L3MBTL4: variants seen among roughly 807,000 people sequenced by gnomAD.
The protein encoded by L3MBTL4 is lethal(3)malignant brain tumor-like protein 4.
L3MBTL4 carries 70 observed loss-of-function variants against 84.5 expected under a neutral mutation model. That is an observed-to-expected ratio of 0.83 (90% CI 0.68 to 1.01). L3MBTL4 has a LOEUF of 1.01. Ranked by LOEUF, L3MBTL4 falls within the 50% of genes least tolerant of loss-of-function variation. L3MBTL4 has a pLI of 0.00. For synonymous variants in L3MBTL4, 274 were observed against 259.8 expected (o/e 1.05, Z -0.52); for missense variants, 715 against 754.8 (o/e 0.95, Z 0.62).
intron 1 of L3MBTL4, among the ~76,000 whole-genome samples, chr18:6,382,748 G>A (rs1172095564): frequency 2.0e-5 from 3 of 152,146 alleles, no homozygotes. Context: ...GGTGTCTATC[G>A]GTCCCTACTC....
intron 14 of L3MBTL4, among the ~76,000 whole-genome samples, chr18:6,116,989 C>T (rs1050047219): frequency 2.6e-5 from 4 of 152,206 alleles, no homozygotes; most frequent in Non-Finnish European, 5.9e-5. Flanking sequence ...AACTTCCTAT[C>T]CTTTGCATTA....
At chr18:6,014,784 G>C (rs2054889285) in intron 16 of L3MBTL4, among the ~76,000 whole-genome samples, 1 of 152,150 alleles carries the variant, frequency 6.6e-6, no homozygotes, top group African/African-American at 2.4e-5. Flanking sequence ...ACTTTGGCGA[G>C]CTTCAAGCAG....
intron 17 of L3MBTL4, among the ~76,000 whole-genome samples, chr18:5,962,454 G>C (rs572383035): frequency 6.6e-6 from 1 of 152,246 alleles, no homozygotes; most frequent in African/African-American, 2.4e-5. Context: ...AGGGAGTGGC[G>C]GGAAGAGGGA....
At chr18:6,337,413 A>AT (rs2052395063) in intron 1 of L3MBTL4, among the ~76,000 whole-genome samples, 3 of 152,178 alleles carry the variant, frequency 2.0e-5, no homozygotes, top group Non-Finnish European at 4.4e-5. Context: ...AAACAGAATG[A>AT]ACAAGCAATG....
At chr18:6,352,201 G>A (rs1031649238) in intron 1 of L3MBTL4, among the ~76,000 whole-genome samples, 3 of 152,068 alleles carry the variant, frequency 2.0e-5, no homozygotes, top group South Asian at 4.1e-4. Flanking sequence ...GGAGCACCTA[G>A]CCACTTAAAA....
At chr18:6,167,627 AC>A (rs201323689) in intron 13 of L3MBTL4, among the ~76,000 whole-genome samples, 2,924 of 152,242 alleles carry the variant, frequency 0.019, 38 homozygotes, top group Non-Finnish European at 0.029. Context: ...AAATTCAACA[AC>A]CCTTCATGCT....
At chr18:6,220,003 C>T (rs1301103084) in intron 10 of L3MBTL4, among the ~76,000 whole-genome samples, 3 of 151,928 alleles carry the variant, frequency 2.0e-5, no homozygotes, top group Non-Finnish European at 4.4e-5. Flanking sequence ...GAGTTCAAGA[C>T]CAGCCTAGGA....
At chr18:6,306,786 A>C (rs904918104) in intron 3 of L3MBTL4, among the ~76,000 whole-genome samples, 2 of 152,168 alleles carry the variant, frequency 1.3e-5, no homozygotes, top group African/African-American at 4.8e-5. Context: ...AGACCCATAA[A>C]GTTCTTGCAA....
At chr18:6,219,524 T>TG (rs1282841645) in intron 10 of L3MBTL4, among the ~76,000 whole-genome samples, 1 of 140,226 alleles carries the variant, frequency 7.1e-6, no homozygotes, top group Non-Finnish European at 1.5e-5. Flanking sequence ...GCTGTGGGCA[T>TG]GGGTGGCTGA....
chr18:6,132,107 T>C (rs1399363955), intron 14 of L3MBTL4, among the ~76,000 whole-genome samples: 1 of 152,168 alleles, frequency 6.6e-6, no homozygotes, highest in African/African-American at 2.4e-5. Context: ...ATCAAGGATT[T>C]ATCCTCATTC....
At chr18:6,083,204 T>C (rs890598720) in intron 15 of L3MBTL4, among the ~76,000 whole-genome samples, 6 of 152,136 alleles carry the variant, frequency 3.9e-5, no homozygotes, top group Admixed American at 1.3e-4. Flanking sequence ...AAGGCACGGA[T>C]AAAGGGAAGT....
At chr18:6,184,807 C>T (rs934607315) in intron 12 of L3MBTL4, among the ~76,000 whole-genome samples, 1 of 152,022 alleles carries the variant, frequency 6.6e-6, no homozygotes, top group African/African-American at 2.4e-5. Flanking sequence ...CAGAACCCCG[C>T]GTAAAAGTGA....
intron 1 of L3MBTL4, among the ~76,000 whole-genome samples, chr18:6,314,899 G>A (rs2051017056): frequency 6.6e-6 from 1 of 152,150 alleles, no homozygotes; most frequent in Non-Finnish European, 1.5e-5. Flanking sequence ...CCGCTAAAGG[G>A]AGATAAGTAT....
chr18:5,957,074 G>C (rs1970645), intron 18 of L3MBTL4, among the ~76,000 whole-genome samples: 2 of 152,010 alleles, frequency 1.3e-5, no homozygotes, highest in Non-Finnish European at 2.9e-5. Context: ...ATCTTTGGAT[G>C]TAGAATAGTG....
At chr18:6,071,119 A>T (rs1164000699) in intron 16 of L3MBTL4, among the ~76,000 whole-genome samples, 1 of 152,134 alleles carries the variant, frequency 6.6e-6, no homozygotes, top group Non-Finnish European at 1.5e-5. Flanking sequence ...GGCTGGACAC[A>T]GTGGCTTATA....
intron 12 of L3MBTL4, among the ~76,000 whole-genome samples, chr18:6,200,629 C>T (rs770329080): frequency 6.6e-6 from 1 of 152,172 alleles, no homozygotes; most frequent in African/African-American, 2.4e-5. Context: ...ATGGGCTATG[C>T]TTCTTTGACA....
intron 4 of L3MBTL4, among the ~76,000 whole-genome samples, chr18:6,290,928 G>A (rs2049837303): frequency 1.3e-5 from 2 of 152,242 alleles, no homozygotes; most frequent in South Asian, 2.1e-4. Flanking sequence ...AACAGGTACT[G>A]CTGTATTCTG....
intron 1 of L3MBTL4, among the ~76,000 whole-genome samples, chr18:6,343,987 G>C (rs989977908): frequency 4.6e-5 from 6 of 130,968 alleles, no homozygotes; most frequent in African/African-American, 6.2e-5. Flanking sequence ...TATACTTCAA[G>C]GAGCTAGAGG....
chr18:6,213,315 C>A, intron 11 of L3MBTL4, 56 bp from the exon 12 acceptor site: 1 of 991,614 alleles, frequency 1.0e-6, no homozygotes, highest in Non-Finnish European at 1.5e-6. Context: ...ATTCAGATAT[C>A]CTACTAATTT....
Sources: allele counts gnomAD v4.1 joint callset (sites outside exome capture counted in the v4.1 genomes callset), GRCh38; gene constraint gnomAD v4.1.1; transcripts MANE v1.5; gene names NCBI Gene and HGNC (gene_info 2026-07-23, HGNC 2026-07-21).